The following PARVA variants were observed in gnomAD, a reference collection of about 807,000 sequenced individuals.
PARVA encodes the protein alpha-parvin.
In PARVA, 25 loss-of-function variants were observed where a neutral mutation model predicts 52.6. The observed-to-expected ratio is 0.48, with a 90% CI of 0.35 to 0.66. The LOEUF is 0.66. Among genes scored for constraint, PARVA ranks in the 30% least tolerant of loss-of-function variants. The pLI is 0.01. For synonymous variants in PARVA, 185 were observed against 179.1 expected (o/e 1.03, Z -0.26); for missense variants, 373 against 450.9 (o/e 0.83, Z 1.56).
intron 1 of PARVA, among the ~76,000 whole-genome samples, chr11:12,407,233 G>C (rs1565329769): frequency 6.6e-6 from 1 of 152,218 alleles, no homozygotes; most frequent in East Asian, 1.9e-4. Context: ...TGATATATTA[G>C]CATCTGGAAA....
intron 1 of PARVA, among the ~76,000 whole-genome samples, chr11:12,394,855 G>A (rs946703965): frequency 3.3e-5 from 5 of 152,202 alleles, no homozygotes; most frequent in Non-Finnish European, 5.9e-5. Flanking sequence ...ACTTGGGGAG[G>A]CCGAGGTGGG....
At chr11:12,524,383 A>G (rs947193038) in intron 12 of PARVA, among the ~76,000 whole-genome samples, 29 of 152,346 alleles carry the variant, frequency 1.9e-4, no homozygotes, top group African/African-American at 6.7e-4. Context: ...GTCACTTAGT[A>G]ACCATTAAAA....
chr11:12,497,737 C>G lies in PARVA; in HGVS notation c.541+1139C>G, dbSNP rs1304424109. 2.0e-5 allele frequency among the ~76,000 whole-genome samples: 3 copies of G among 152,166 alleles called. No homozygotes were observed. In the East Asian group the frequency reaches 5.8e-4, roughly 29 times the overall value. On this transcript the variant is annotated intron_variant, in intron 5 of 12. Coordinates refer to ENST00000334956, the MANE Select transcript of PARVA (RefSeq NM_018222.5). The stretch of plus-strand genomic sequence containing the variant: ...CTAGATGCTATCAAGGAGAGGGGCT[C>G]TGTTTCACTGTGTTCCAGGAATGCT...
chr11:12,501,490 A>G (rs2135064766), intron 5 of PARVA, among the ~76,000 whole-genome samples: 1 of 152,302 alleles, frequency 6.6e-6, no homozygotes, highest in African/African-American at 2.4e-5. Flanking sequence ...GGAGAAGACA[A>G]GAAGTCATGG....
At chr11:12,504,189 G>T in intron 5 of PARVA, 125 bp from the exon 6 acceptor site, 1 of 635,686 alleles carries the variant, frequency 1.6e-6, no homozygotes. Flanking sequence ...ATTTCAGCAT[G>T]AGATTTGGGC....
rs555967315 is a variant in PARVA, at chr11:12,467,859, G to T, written c.137-5886G>T. ...GGTTCAGGGAATGTGGAGAATAGATGAATTCAAGACCCTAACACTCTGGAA... is the reference window on the plus strand; with the variant it reads ...GGTTCAGGGAATGTGGAGAATAGATTAATTCAAGACCCTAACACTCTGGAA... On this transcript the variant is annotated intron_variant, in intron 1 of 12. Coordinates refer to ENST00000334956, the MANE Select transcript of PARVA (RefSeq NM_018222.5). Among the ~76,000 whole-genome samples the T allele has an allele frequency of 2.2e-4, 34 of 152,230 alleles. No individual in the cohort carries two copies. In the South Asian group the frequency reaches 6.6e-3, roughly 30 times the overall value.
chr11:12,413,817 C>G (rs888694191), intron 1 of PARVA, among the ~76,000 whole-genome samples: 1 of 152,206 alleles, frequency 6.6e-6, no homozygotes, highest in Non-Finnish European at 1.5e-5. Context: ...ACACTCGAGC[C>G]CCCAGCTGAA....
chr11:12,395,608 G>A (rs575523960), intron 1 of PARVA, among the ~76,000 whole-genome samples: 7 of 152,166 alleles, frequency 4.6e-5, no homozygotes, highest in Admixed American at 1.3e-4. Flanking sequence ...TGAAAGGTAC[G>A]GTGCGGCCCA....
intron 1 of PARVA, among the ~76,000 whole-genome samples, chr11:12,388,695 T>G (rs1009010001): frequency 6.6e-6 from 1 of 152,070 alleles, no homozygotes; most frequent in African/African-American, 2.4e-5. Flanking sequence ...TATTATAATT[T>G]TTTTCTTTTT....
At chr11:12,482,401 TGGATCATGA>T (rs1354518983) in intron 4 of PARVA, among the ~76,000 whole-genome samples, 3 of 151,588 alleles carry the variant, frequency 2.0e-5, no homozygotes, top group Non-Finnish European at 2.9e-5. Context: ...CCGAGGCAGG[TGGATCATGA>T]GGTCAGGAGT....
intron 1 of PARVA, among the ~76,000 whole-genome samples, chr11:12,383,835 T>A (rs1446860354): frequency 6.6e-6 from 1 of 152,216 alleles, no homozygotes; most frequent in Non-Finnish European, 1.5e-5. Context: ...ACATTTATTT[T>A]AAAAATTTGC....
intron 1 of PARVA, among the ~76,000 whole-genome samples, chr11:12,472,437 G>T (rs773828552): frequency 6.6e-6 from 1 of 152,258 alleles, no homozygotes; most frequent in East Asian, 1.9e-4. Flanking sequence ...GGAGATCAAG[G>T]TGGTGACTGG....
Position 12,508,576 on chromosome 11 carries a change from C to G in PARVA, c.658-8C>G. The G allele has an allele frequency of 1.2e-6, 2 of 1,606,242 alleles. No homozygotes were observed. The highest frequency in any genetic ancestry group is 1.7e-6 in the Non-Finnish European group (2 of 1,174,626). On this transcript the variant is annotated splice_region_variant and splice_polypyrimidine_tract_variant and intron_variant, in intron 6 of 12. Coordinates refer to ENST00000334956, the MANE Select transcript of PARVA (RefSeq NM_018222.5). ...TCCTCCCAACCCCTTTCCCCACCCC[C>G]ATTTCAGAAACGAGAAGGAATCCTC...
At chr11:12,468,346 C>G (rs1014246428) in intron 1 of PARVA, among the ~76,000 whole-genome samples, 3 of 152,248 alleles carry the variant, frequency 2.0e-5, no homozygotes, top group Non-Finnish European at 4.4e-5. Context: ...AATGAAATTA[C>G]TGGCCTTGCA....
intron 1 of PARVA, among the ~76,000 whole-genome samples, chr11:12,443,296 T>A (rs896478345): frequency 2.6e-4 from 39 of 148,630 alleles, no homozygotes; most frequent in African/African-American, 8.8e-4. Flanking sequence ...CTCAGCCTCC[T>A]GAGTAGCTGG....
At chr11:12,497,545 G>A (rs925646450) in intron 5 of PARVA, among the ~76,000 whole-genome samples, 6 of 152,286 alleles carry the variant, frequency 3.9e-5, no homozygotes, top group South Asian at 2.1e-4. Flanking sequence ...AACATCTGAC[G>A]TTGGGGCTGA....
intron 6 of PARVA, among the ~76,000 whole-genome samples, chr11:12,504,774 G>GGTGGGTGTGT (rs113830304): frequency 5.4e-5 from 8 of 149,346 alleles, no homozygotes; most frequent in East Asian, 2.0e-4. Context: ...AAGGTATGTG[G>GGTGGGTGTGT]GTGTGTGTGT....
intron 4 of PARVA, among the ~76,000 whole-genome samples, chr11:12,482,278 G>T (rs59422674): frequency 0.025 from 3,796 of 152,138 alleles, 162 homozygotes; most frequent in African/African-American, 0.086. Context: ...GTGTGGCAGT[G>T]TATTAGTCTG....
upstream of PARVA, chr11:12,377,564 C>A (rs770896965): frequency 1.1e-5 from 17 of 1,489,760 alleles, no homozygotes; most frequent in Non-Finnish European, 1.5e-5. Flanking sequence ...TGGAAAGCCG[C>A]AGCCTCAGTC....
Sources: allele counts gnomAD v4.1 joint callset (sites outside exome capture counted in the v4.1 genomes callset), GRCh38; gene constraint gnomAD v4.1.1; transcripts MANE v1.5; gene names NCBI Gene and HGNC (gene_info 2026-07-23, HGNC 2026-07-21).